FCHSD2: variants seen among roughly 807,000 people sequenced by gnomAD.
FCHSD2 encodes the protein F-BAR and double SH3 domains protein 2.
In FCHSD2, 38 loss-of-function variants were observed where a neutral mutation model predicts 108.1. That is an observed-to-expected ratio of 0.35 (90% CI 0.27 to 0.46). FCHSD2 has a LOEUF of 0.46. Ranked by LOEUF, FCHSD2 falls within the 20% of genes least tolerant of loss-of-function variation. The pLI is 1.00. For synonymous variants in FCHSD2, 279 were observed against 314.7 expected, an observed-to-expected ratio of 0.89 and a Z score of 1.20; for missense variants, 751 against 897.8, an observed-to-expected ratio of 0.84 and a Z score of 2.09.
rs1565362340 is a variant in FCHSD2, at chr11:73,000,999, TTGC to T, written c.375_377del (p.Gln126del). ...GAAATAAAAACAATACCCTTTTTAG[TTGC>T]TGTTCTTTTAAGCTTCTCACTGTCC... On this transcript the variant is annotated inframe_deletion, in exon 5 of 20. Transcript: ENST00000409418. The T allele has an allele frequency of 6.2e-7, 1 of 1,606,720 alleles. No individual in the cohort carries two copies. The highest frequency in any genetic ancestry group is 8.5e-7 in the Non-Finnish European group (1 of 1,176,412).
At chr11:72,998,851 G>A (rs1857569479) in intron 5 of FCHSD2, among the ~76,000 whole-genome samples, 4 of 152,164 alleles carry the variant, frequency 2.6e-5, no homozygotes. Flanking sequence ...AGAAATTGGA[G>A]CCCTTGTGCA....
At chr11:73,046,411 A>G (rs1248761972) in intron 3 of FCHSD2, among the ~76,000 whole-genome samples, 1 of 152,230 alleles carries the variant, frequency 6.6e-6, no homozygotes, top group African/African-American at 2.4e-5. Flanking sequence ...AAACATTGGA[A>G]TATGTCTGAA....
chr11:72,958,954 G>C (rs1031297315), intron 8 of FCHSD2, among the ~76,000 whole-genome samples: 13 of 149,900 alleles, frequency 8.7e-5, no homozygotes, highest in African/African-American at 3.2e-4. Context: ...TCTTGCTTCG[G>C]CACTCCTACA....
At chr11:72,904,205 G>A (rs1266996575) in intron 9 of FCHSD2, among the ~76,000 whole-genome samples, 1 of 152,146 alleles carries the variant, frequency 6.6e-6, no homozygotes, top group African/African-American at 2.4e-5. Flanking sequence ...AATGTACTTT[G>A]TTCTCTTCTT....
intron 8 of FCHSD2, among the ~76,000 whole-genome samples, chr11:72,958,436 G>A (rs1046260251): frequency 9.2e-5 from 14 of 152,068 alleles, no homozygotes; most frequent in Admixed American, 3.3e-4. Flanking sequence ...GAGAATCACT[G>A]GAACCCAGGA....
intron 8 of FCHSD2, among the ~76,000 whole-genome samples, chr11:72,956,875 A>G (rs1856720991): frequency 1.3e-5 from 2 of 151,772 alleles, no homozygotes; most frequent in African/African-American, 4.8e-5. Flanking sequence ...TAGGTGACCA[A>G]TATTAATATC....
intron 10 of FCHSD2, among the ~76,000 whole-genome samples, chr11:72,890,386 TATA>T (rs139282498): frequency 0.43 from 65,393 of 151,652 alleles, 14,893 homozygotes; most frequent in South Asian, 0.64. Flanking sequence ...AACAAAACAA[TATA>T]ATAACAGCAA....
chr11:73,082,367 A>AAAAG, intron 3 of FCHSD2, among the ~76,000 whole-genome samples: 1 of 150,392 alleles, frequency 6.6e-6, no homozygotes, highest in South Asian at 2.1e-4. Context: ...AAAAAAGAAA[A>AAAAG]GAAAAAGCAT....
At chr11:73,126,607 TAATATCTGTTA>T (rs138014563) in intron 2 of FCHSD2, among the ~76,000 whole-genome samples, 3,348 of 152,282 alleles carry the variant, frequency 0.022, 127 homozygotes, top group African/African-American at 0.074. Flanking sequence ...CGAACTTTTA[TAATATCTGTTA>T]AATATCTGTT....
At chr11:73,063,670 A>G (rs929989271) in intron 3 of FCHSD2, among the ~76,000 whole-genome samples, 1 of 152,186 alleles carries the variant, frequency 6.6e-6, no homozygotes, top group African/African-American at 2.4e-5. Flanking sequence ...CTTTAAACCA[A>G]CAAAGATTGA....
chr11:72,841,760 A>G (rs531618304), intron 17 of FCHSD2, among the ~76,000 whole-genome samples, 177 bp from the exon 18 acceptor site: 13 of 152,280 alleles, frequency 8.5e-5, no homozygotes, highest in African/African-American at 3.1e-4. Context: ...CCAATTTTGC[A>G]TTGCACTTCA....
chr11:72,878,258 C>T (rs1055067885), intron 12 of FCHSD2, among the ~76,000 whole-genome samples: 1 of 152,076 alleles, frequency 6.6e-6, no homozygotes. Context: ...TCACTGCATT[C>T]TAGCCTGGGA....
At chr11:72,895,361 C>A (rs1469146249) in intron 10 of FCHSD2, among the ~76,000 whole-genome samples, 1 of 152,096 alleles carries the variant, frequency 6.6e-6, no homozygotes, top group Non-Finnish European at 1.5e-5. Context: ...AAAAATATGT[C>A]CCTGAGTAAT....
chr11:72,839,216 G>C (rs538195524), intron 19 of FCHSD2, among the ~76,000 whole-genome samples: 1 of 152,168 alleles, frequency 6.6e-6, no homozygotes, highest in Non-Finnish European at 1.5e-5. Flanking sequence ...GTGTGTCTTG[G>C]GTAGAGAGTT....
chr11:73,027,905 A>G (rs1858265697), intron 3 of FCHSD2, among the ~76,000 whole-genome samples: 2 of 152,270 alleles, frequency 1.3e-5, no homozygotes, highest in Non-Finnish European at 2.9e-5. Context: ...GGTGGCTTCC[A>G]CATGGTATTG....
intron 3 of FCHSD2, among the ~76,000 whole-genome samples, chr11:73,025,359 G>A (rs1365305880): frequency 6.6e-6 from 1 of 152,102 alleles, no homozygotes; most frequent in African/African-American, 2.4e-5. Flanking sequence ...TGGAGCTGGA[G>A]GCCATTATCC....
Position 73,115,992 on chromosome 11 carries a change from C to A in FCHSD2, c.119+24039G>T, listed in dbSNP as rs149704195. On this transcript the variant is annotated intron_variant, in intron 2 of 19. Transcript: ENST00000409418. ...AAAAGTAACCATCACAGGGGCACAA[C>A]TGTGTTATCCACGAGTTTAATGAGA... Among the ~76,000 whole-genome samples the A allele has an allele frequency of 3.3e-5, 5 of 152,384 alleles. No homozygotes were observed. In the East Asian group the frequency reaches 9.6e-4, roughly 29 times the overall value.
chr11:73,018,988 C>T (rs955985090), intron 3 of FCHSD2, among the ~76,000 whole-genome samples: 1 of 152,094 alleles, frequency 6.6e-6, no homozygotes, highest in Non-Finnish European at 1.5e-5. Context: ...AGAAGAATAA[C>T]AAGTATACAA....
chr11:73,047,035 A>G (rs963786365), intron 3 of FCHSD2, among the ~76,000 whole-genome samples: 4 of 152,198 alleles, frequency 2.6e-5, no homozygotes, highest in African/African-American at 9.6e-5. Flanking sequence ...TATTTTTATC[A>G]ATGATAAAAA....
Sources: allele counts gnomAD v4.1 joint callset (sites outside exome capture counted in the v4.1 genomes callset), GRCh38; gene constraint gnomAD v4.1.1; transcripts MANE v1.5; gene names NCBI Gene and HGNC (gene_info 2026-07-23, HGNC 2026-07-21).